Variants in TJP1 observed in about 807,000 individuals in gnomAD.
The protein encoded by TJP1 is tight junction protein 1, also known as tight junction protein ZO-1.
A neutral mutation model predicts 194.2 loss-of-function variants in TJP1; 43 were observed. The ratio of observed to expected loss-of-function variants is 0.22; its 90% CI spans 0.17 to 0.29. The LOEUF is 0.29. TJP1 is among the 10% of genes least tolerant of loss of function. The pLI is 1.00. For synonymous variants in TJP1, 801 were observed against 779.0 expected (o/e 1.03, Z -0.47); for missense variants, 1,971 against 2,185.7 (o/e 0.90, Z 1.96).
chr15:29,862,635 T>A (rs906668542), intron 2 of TJP1, among the ~76,000 whole-genome samples: 2 of 135,058 alleles, frequency 1.5e-5, no homozygotes, highest in African/African-American at 5.6e-5. Context: ...AGGCAATAGG[T>A]TTTTTTCTTT....
intron 2 of TJP1, among the ~76,000 whole-genome samples, chr15:29,796,472 A>C (rs1269458164): frequency 6.6e-6 from 1 of 152,134 alleles, no homozygotes; most frequent in African/African-American, 2.4e-5. Flanking sequence ...ACCTAACAAA[A>C]ATGTGTGCAG....
Position 29,845,210 on chromosome 15 carries a change from C to T in TJP1, c.307-44508G>A, listed in dbSNP as rs534520648. 3.9e-5 allele frequency among the ~76,000 whole-genome samples: 6 copies of T among 152,288 alleles called. No homozygotes were observed. The South Asian group carries it at 1.2e-3, about 32-fold the overall frequency. ...AATATTTATATCCTCTCCTAAATCT[C>T]ACTAAAATGACCCTAAAAATAAGAA... On this transcript the variant is annotated intron_variant, in intron 2 of 28. Coordinates refer to the TJP1 transcript ENST00000356107.
At chr15:29,867,120 T>C (rs1373975010) in intron 2 of TJP1, among the ~76,000 whole-genome samples, 2 of 152,234 alleles carry the variant, frequency 1.3e-5, no homozygotes, top group African/African-American at 4.8e-5. Context: ...TTATGTAGTA[T>C]ATAAAATGTA....
intron 2 of TJP1, among the ~76,000 whole-genome samples, chr15:29,853,322 C>T (rs535336714): frequency 2.0e-5 from 3 of 152,148 alleles, no homozygotes; most frequent in Non-Finnish European, 4.4e-5. Flanking sequence ...GTGTTGGAAA[C>T]GTTCCATATC....
intron 2 of TJP1, among the ~76,000 whole-genome samples, chr15:29,797,010 T>G (rs1326401194): frequency 6.6e-6 from 1 of 152,084 alleles, no homozygotes; most frequent in Non-Finnish European, 1.5e-5. Flanking sequence ...ACAAACAGAA[T>G]TTAACTGAAA....
chr15:29,804,981 T>C (rs2049024697), intron 1 of TJP1, among the ~76,000 whole-genome samples: 1 of 152,162 alleles, frequency 6.6e-6, no homozygotes, highest in East Asian at 1.9e-4. Flanking sequence ...GGGAAATGGG[T>C]GAAATTATCT....
chr15:29,904,943 G>A (rs1205526026), intron 2 of TJP1, among the ~76,000 whole-genome samples: 1 of 152,216 alleles, frequency 6.6e-6, no homozygotes, highest in East Asian at 1.9e-4. Context: ...AATAGGAACT[G>A]CAGCCGCCAG....
intron 2 of TJP1, among the ~76,000 whole-genome samples, chr15:29,921,944 A>G (rs1229225654): frequency 6.6e-6 from 1 of 151,044 alleles, no homozygotes; most frequent in Non-Finnish European, 1.5e-5. Context: ...TCCTGGGTTC[A>G]GGTGATTCTC....
chr15:29,747,103 G>C (rs2044840705), intron 8 of TJP1, among the ~76,000 whole-genome samples: 1 of 152,064 alleles, frequency 6.6e-6, no homozygotes, highest in African/African-American at 2.4e-5. Context: ...TGACCAACAT[G>C]GTGAAAACCC....
intron 16 of TJP1, among the ~76,000 whole-genome samples, 179 bp downstream of exon 16, chr15:29,727,758 C>G (rs2151202028): frequency 6.6e-6 from 1 of 152,248 alleles, no homozygotes; most frequent in Non-Finnish European, 1.5e-5. Context: ...CTTCTGATGC[C>G]TACAGTAACT....
chr15:29,871,074 G>A (rs180693239), intron 2 of TJP1, among the ~76,000 whole-genome samples: 9 of 152,244 alleles, frequency 5.9e-5, no homozygotes, highest in East Asian at 1.9e-4. Context: ...TGAATACTCC[G>A]CTGTGTTCTC....
intron 2 of TJP1, among the ~76,000 whole-genome samples, chr15:29,774,372 C>T (rs1472970583): frequency 6.6e-6 from 1 of 152,030 alleles, no homozygotes; most frequent in Non-Finnish European, 1.5e-5. Flanking sequence ...TGTCCATCAA[C>T]TGATGAATGG....
At chr15:29,723,632 A>G (rs1213763636) in intron 18 of TJP1, among the ~76,000 whole-genome samples, 2 of 152,240 alleles carry the variant, frequency 1.3e-5, no homozygotes, top group Non-Finnish European at 2.9e-5. Flanking sequence ...CACAATGGAA[A>G]ATCATCACCT....
Position 29,949,873 on chromosome 15 carries a change from C to T in TJP1, c.306+6359G>A, listed in dbSNP as rs371601886. On this transcript the variant is annotated intron_variant, in intron 2 of 28. Transcript: ENST00000356107. ...CCACCTCCACAACCACCACCTCCAC[C>T]TCCACAACCACCACCTCCACCTCCA... is the stretch of plus-strand genomic sequence containing the variant. Among the ~76,000 whole-genome samples the T allele has an allele frequency of 9.5e-5, 10 of 105,496 alleles. 1 individual carries two copies. Among genetic ancestry groups the T allele is most frequent in the Non-Finnish European group, 1.5e-4 (8 of 53,372 alleles). 69.2% of individuals were successfully genotyped at this position (105,496 alleles called of 152,430 possible).
chr15:29,856,607 T>C (rs1301167781), intron 2 of TJP1, among the ~76,000 whole-genome samples: 1 of 152,212 alleles, frequency 6.6e-6, no homozygotes, highest in East Asian at 1.9e-4. Flanking sequence ...GAAAGAACAG[T>C]TGGACCTCCG....
At chr15:29,806,526 C>T (rs1424086062) in intron 1 of TJP1, among the ~76,000 whole-genome samples, 1 of 152,190 alleles carries the variant, frequency 6.6e-6, no homozygotes, top group East Asian at 1.9e-4. Flanking sequence ...TGTGAACCCT[C>T]CAAGTTCCTT....
intron 2 of TJP1, among the ~76,000 whole-genome samples, chr15:29,862,954 C>G (rs1351900818): frequency 6.7e-6 from 1 of 148,936 alleles, no homozygotes; most frequent in Non-Finnish European, 1.5e-5. Flanking sequence ...AGCTGGGGAT[C>G]GGTTTTTATA....
chr15:29,728,224 C>A, intron 15 of TJP1: 1 of 440,926 alleles, frequency 2.3e-6, no homozygotes, highest in South Asian at 4.8e-5. Context: ...CTTTAATATT[C>A]TGGAAAAAAA....
chr15:29,816,471 T>C (rs1259451646), intron 1 of TJP1, among the ~76,000 whole-genome samples: 2 of 152,180 alleles, frequency 1.3e-5, no homozygotes, highest in African/African-American at 2.4e-5. Flanking sequence ...ATCAGCCAAC[T>C]ATATAAATTA....
Sources: allele counts gnomAD v4.1 joint callset (sites outside exome capture counted in the v4.1 genomes callset), GRCh38; gene constraint gnomAD v4.1.1; transcripts MANE v1.5; gene names NCBI Gene and HGNC (gene_info 2026-07-23, HGNC 2026-07-21).